Variants in AKT1 observed in about 807,000 individuals in gnomAD.
AKT1 encodes the protein AKT serine/threonine kinase 1.
In AKT1, 21 loss-of-function variants were observed where a neutral mutation model predicts 63.1. The observed-to-expected ratio is 0.33, with a 90% CI of 0.24 to 0.48. The LOEUF is 0.48. Among genes scored for constraint, AKT1 ranks in the 20% least tolerant of loss-of-function variants. The probability of loss-of-function intolerance (pLI) is 0.99; values close to 1 mark genes in which losing one functional copy is unlikely to be tolerated. For synonymous variants in AKT1, 257 were observed against 253.1 expected, an observed-to-expected ratio of 1.02 and a Z score of -0.15; for missense variants, 382 against 666.0, an observed-to-expected ratio of 0.57 and a Z score of 4.69.
intron 9 of AKT1, 92 bp from the exon 10 acceptor site, chr14:104,773,672 T>C (rs566976299): frequency 1.3e-6 from 2 of 1,513,082 alleles, no homozygotes; most frequent in East Asian, 2.4e-5. Flanking sequence ...GGTCTCGGCA[T>C]TGCACAGGGA....
At position 104,770,347 on chromosome 14, in the gene AKT1, C is replaced by T. The variant is rs555187157; in HGVS notation, c.1437G>A (p.Thr479=). Residue 479 remains threonine (T), a synonymous_variant, in exon 15 of 15, where the codon ACG becomes ACA. Transcript: ENST00000649815. ...FPQFSYSASG[T]A Reference sequence around the variant, plus strand: ...AGCGCAGTCCACCGCCGCCTCAGGCCGTGCCGCTGGCCGAGTAGGAGAACT... The same window carrying T: ...AGCGCAGTCCACCGCCGCCTCAGGCTGTGCCGCTGGCCGAGTAGGAGAACT... The T allele has an allele frequency of 8.1e-6, 13 of 1,611,272 alleles. No homozygotes were observed. The highest frequency in any genetic ancestry group is 4.5e-5 in the East Asian group (2 of 44,828).
intron 8 of AKT1, chr14:104,774,213 C>T: frequency 1.8e-6 from 1 of 551,256 alleles, no homozygotes. Context: ...CATCACACTG[C>T]CCCCATGCCA....
chr14:104,776,438 C>T, intron 5 of AKT1: 2 of 503,804 alleles, frequency 4.0e-6, no homozygotes, highest in Non-Finnish European at 7.1e-6. Context: ...TGAGCCACTG[C>T]ACCCGGTCCC....
rs1390801321 is a variant in AKT1, at chr14:104,772,884, T to G, written c.1166A>C (p.Lys389Thr). The change falls in exon 12 of 15, where the codon AAG becomes ACG. Residue 389 changes from lysine (K) to threonine (T), a missense_variant. Lys to Thr is a moderately conservative substitution (Grantham distance 78, BLOSUM62 -1). Around this residue, in one of 3 missense-constraint regions of AKT1, gnomAD observed 66 missense variants for 179.1 expected, o/e 0.37. Coordinates refer to ENST00000649815, the MANE Select transcript of AKT1 (RefSeq NM_001382430.1). ...LLSGLLKKDP[K>T]QRLGGGSEDA... The stretch of plus-strand genomic sequence containing the variant: ...TGGGATGGGCGGCCCTCACCTCTGC[T>G]TGGGGTCCTTCTTGAGCAGCCCTGA... 6.2e-7 allele frequency: 1 copy of G among 1,609,514 alleles called. No individual in the cohort carries two copies. Among genetic ancestry groups the G allele is most frequent in the Non-Finnish European group, 8.5e-7 (1 of 1,179,466 alleles).
At chr14:104,783,912 C>T (rs1893203633) in intron 3 of AKT1, among the ~76,000 whole-genome samples, 1 of 152,226 alleles carries the variant, frequency 6.6e-6, no homozygotes, top group Non-Finnish European at 1.5e-5. Context: ...TCAGAAATGT[C>T]AGCAAGTCCG....
intron 3 of AKT1, among the ~76,000 whole-genome samples, chr14:104,789,387 C>CA (rs1893510714): frequency 6.6e-6 from 1 of 152,234 alleles, no homozygotes; most frequent in South Asian, 2.1e-4. Flanking sequence ...GGCTAGGCTG[C>CA]AGCCAGGCTG....
intron 3 of AKT1, among the ~76,000 whole-genome samples, chr14:104,790,278 G>T (rs1027311276): frequency 4.6e-5 from 7 of 152,150 alleles, no homozygotes; most frequent in Non-Finnish European, 7.4e-5. Flanking sequence ...GAGCAAGGCT[G>T]GGGGGGAGTG....
intron 3 of AKT1, among the ~76,000 whole-genome samples, chr14:104,781,161 A>G (rs1049995402): frequency 6.6e-6 from 1 of 151,972 alleles, no homozygotes; most frequent in Non-Finnish European, 1.5e-5. Flanking sequence ...TTCCACTTAC[A>G]TTTTGCCAAG....
Position 104,772,604 on chromosome 14 carries a change from G to A in AKT1, c.1173-152C>T, listed in dbSNP as rs1256706382. ...TGGTGCAGCGTCCCTGAGCAGCTGTGGGTAGCAAAGCACCACAGAGCTCAC... is the reference window on the plus strand; with the variant it reads ...TGGTGCAGCGTCCCTGAGCAGCTGTAGGTAGCAAAGCACCACAGAGCTCAC... On this transcript the variant is annotated intron_variant, in intron 12 of 14. Transcript: ENST00000649815. 6.2e-6 allele frequency: 5 copies of A among 810,488 alleles called. No individual in the cohort carries two copies. In the East Asian group the frequency reaches 8.0e-5, roughly 13 times the overall value. The allele number at this position is 810,488 out of a possible 1,614,324, so 50.2% of individuals were successfully genotyped here.
Position 104,770,303 on chromosome 14 carries a change from T to TC in AKT1, c.*37dup. 5 of 1,587,356 alleles carry TC rather than the reference T, an allele frequency of 3.1e-6. No individual in the cohort carries two copies. Among genetic ancestry groups the TC allele is most frequent in the Non-Finnish European group, 4.3e-6 (5 of 1,168,998 alleles). On this transcript the variant is annotated 3_prime_UTR_variant, in exon 15 of 15. Transcript: ENST00000649815. The stretch of plus-strand genomic sequence containing the variant: ...ATCATGGCACGAGGCCGCCTCTCCA[T>TC]CCCTCCAAGCTATCGTCCAGCGCAG...
At chr14:104,772,283 C>A in intron 13 of AKT1, 82 bp downstream of exon 13, 1 of 1,472,814 alleles carries the variant, frequency 6.8e-7, no homozygotes, top group South Asian at 1.2e-5. Context: ...TGTGGGAAAT[C>A]TGGCGAGCGT....
chr14:104,774,788 C>G (rs966693362), intron 8 of AKT1, 150 bp downstream of exon 8: 1 of 860,916 alleles, frequency 1.2e-6, no homozygotes, highest in Non-Finnish European at 1.8e-6. Flanking sequence ...ACAGCCTGAC[C>G]CTCCAGGGCA....
intron 10 of AKT1, 21 bp downstream of exon 10, chr14:104,773,434 C>A (rs1346940635): frequency 2.5e-6 from 4 of 1,613,952 alleles, no homozygotes; most frequent in Admixed American, 1.7e-5. Flanking sequence ...GCCCTGCCCC[C>A]CTGCCTGCCC....
In AKT1 at chr14:104,773,934, A is replaced by G. The variant is rs775612804; in HGVS notation, c.680T>C (p.Met227Thr). ...FQTHDRLCFVMEYANGGELFF... is the reference protein window; with the variant it reads ...FQTHDRLCFVTEYANGGELFF... The stretch of plus-strand genomic sequence containing the variant: ...TACCTCGCCCCCGTTGGCGTACTCC[A>G]TGACAAAGCAGAGGCGGTCGTGGGT... Residue 227 changes from methionine (M) to threonine (T), a missense_variant, in exon 9 of 15, where the codon ATG (methionine) becomes ACG (threonine). Coordinates refer to ENST00000649815, the MANE Select transcript of AKT1 (RefSeq NM_001382430.1). The G allele has an allele frequency of 1.2e-6, 2 of 1,612,710 alleles. No individual in the cohort carries two copies. The highest frequency in any genetic ancestry group is 2.2e-5 in the South Asian group (2 of 90,824).
chr14:104,773,036 G>C lies in AKT1; in HGVS notation c.1014C>G (p.Val338=), dbSNP rs1892484235. Residue 338 remains valine, a synonymous_variant, in exon 12 of 15, where the codon GTC becomes GTG. Coordinates refer to ENST00000649815, the MANE Select transcript of AKT1 (RefSeq NM_001382430.1). ...GGCGACCGCACATCATCTCGTACATGACCACGCCCAGCCCCCACCAGTCCA... is the reference window on the plus strand; with the variant it reads ...GGCGACCGCACATCATCTCGTACATCACCACGCCCAGCCCCCACCAGTCCA... The part of the protein sequence containing the change: ...RAVDWWGLGV[V]MYEMMCGRLP... 1 of 1,614,136 alleles carries C rather than the reference G, an allele frequency of 6.2e-7. No homozygotes were observed. Among genetic ancestry groups the C allele is most frequent in the South Asian group, 1.1e-5 (1 of 91,082 alleles).
rs4076736 is a variant in AKT1, at chr14:104,777,887, G to A, written c.176-1117C>T. The A allele has an allele frequency of 2.8e-3, 509 of 178,876 alleles. 18 individuals are homozygous for A. In the Admixed American group the frequency reaches 0.029, roughly 10 times the overall value. The allele number at this position is 178,876 out of a possible 1,614,324, so 11.1% of individuals were successfully genotyped here. A position where few individuals can be genotyped will look rare whatever the true frequency, so the allele number is the denominator to read the frequency against. On this transcript the variant is annotated intron_variant, in intron 4 of 14. Transcript: ENST00000649815. ...AACACAGGCCAGAGAAGTGGAAACC[G>A]GTGTGAAGCCCCGGCACACCCACCT...
At chr14:104,787,876 G>A (rs1182775594) in intron 3 of AKT1, among the ~76,000 whole-genome samples, 1 of 152,228 alleles carries the variant, frequency 6.6e-6, no homozygotes, top group Non-Finnish European at 1.5e-5. Context: ...CCCACTCAAG[G>A]CCACCTCGGC....
intron 3 of AKT1, among the ~76,000 whole-genome samples, chr14:104,781,981 C>T (rs1486551887): frequency 2.0e-5 from 3 of 152,204 alleles, no homozygotes; most frequent in Non-Finnish European, 4.4e-5. Context: ...GTCCTGCCAC[C>T]CTTGGGTGCC....
intron 4 of AKT1, among the ~76,000 whole-genome samples, chr14:104,779,739 CGG>C (rs1892929103): frequency 6.7e-6 from 1 of 149,372 alleles, no homozygotes; most frequent in African/African-American, 2.5e-5. Context: ...CCTCGGGACT[CGG>C]ACCAGAGACC....
Sources: gnomAD v4.1 joint callset for allele counts (sites outside exome capture counted in the v4.1 genomes callset) on GRCh38, gnomAD v4.1.1 for gene constraint, gnomAD v4.1.1 regional missense constraint, MANE v1.5 for transcripts, NCBI Gene and HGNC (gene_info 2026-07-23, HGNC 2026-07-21) for gene names.